Variants in CNTNAP2 observed in about 807,000 individuals in gnomAD.
CNTNAP2 encodes contactin-associated protein-like 2.
In CNTNAP2, 98 loss-of-function variants were observed where a neutral mutation model predicts 155.2. That is an observed-to-expected ratio of 0.63 (90% CI 0.54 to 0.75). The LOEUF is 0.75. CNTNAP2 is among the 30% of genes least tolerant of loss of function. The probability of loss-of-function intolerance (pLI) is 0.00; values close to 1 mark genes in which losing one functional copy is unlikely to be tolerated. For synonymous variants in CNTNAP2, 651 were observed against 631.2 expected, an observed-to-expected ratio of 1.03 and a Z score of -0.47; for missense variants, 1,727 against 1,688.1, an observed-to-expected ratio of 1.02 and a Z score of -0.40.
intron 15 of CNTNAP2, among the ~76,000 whole-genome samples, chr7:148,068,178 C>T (rs982240265): frequency 6.6e-6 from 1 of 152,108 alleles, no homozygotes. Flanking sequence ...CCCACCCCTG[C>T]CCCAGATTGT....
intron 15 of CNTNAP2, among the ~76,000 whole-genome samples, chr7:148,003,501 G>C (rs1432478675): frequency 1.3e-5 from 2 of 152,184 alleles, no homozygotes; most frequent in Non-Finnish European, 2.9e-5. Flanking sequence ...CTGATTCCGT[G>C]AATGAGAAGT....
intron 1 of CNTNAP2, among the ~76,000 whole-genome samples, chr7:146,281,370 G>A (rs547091529): frequency 7.2e-5 from 11 of 152,258 alleles, no homozygotes; most frequent in African/African-American, 2.4e-4. Flanking sequence ...GAGGTAAAGA[G>A]GGTACTTTCC....
rs943448203 is a variant in CNTNAP2, at chr7:148,163,616, A to T, written c.2774-8626A>T. Among the ~76,000 whole-genome samples the T allele has an allele frequency of 4.8e-4, 73 of 152,208 alleles. 1 individual carries two copies. Among genetic ancestry groups the T allele is most frequent in the Admixed American group, 3.9e-4 (6 of 15,284 alleles). On this transcript the variant is annotated intron_variant, in intron 17 of 23. Coordinates refer to ENST00000361727, the MANE Select transcript of CNTNAP2 (RefSeq NM_014141.6). ...ACACAAGAAAATCCATGCAATAATA[A>T]TGAACTGAAAAAAATCCATCCTATT...
chr7:147,837,729 A>T (rs1798656146), intron 13 of CNTNAP2, among the ~76,000 whole-genome samples: 1 of 152,204 alleles, frequency 6.6e-6, no homozygotes, highest in South Asian at 2.1e-4. Context: ...TGAAGAAGCT[A>T]AAGGCCCTAT....
intron 1 of CNTNAP2, among the ~76,000 whole-genome samples, chr7:146,657,194 C>CTAAGGAA (rs1800010173): frequency 1.3e-5 from 2 of 152,256 alleles, no homozygotes; most frequent in African/African-American, 4.8e-5. Flanking sequence ...AAAAACTGTT[C>CTAAGGAA]CTTAACTAAT....
chr7:147,588,514 A>T (rs891349919), intron 12 of CNTNAP2, among the ~76,000 whole-genome samples: 1 of 152,190 alleles, frequency 6.6e-6, no homozygotes, highest in Non-Finnish European at 1.5e-5. Flanking sequence ...TGATATTTTA[A>T]TGCAAAAGAA....
chr7:146,946,107 C>CTTCT (rs1313283032), intron 3 of CNTNAP2, among the ~76,000 whole-genome samples: 31 of 147,896 alleles, frequency 2.1e-4, no homozygotes, highest in African/African-American at 7.7e-4. Context: ...TCCTTCTTTC[C>CTTCT]TTCCTTCCTT....
chr7:147,849,393 C>G (rs992940344), intron 13 of CNTNAP2, among the ~76,000 whole-genome samples: 7 of 152,112 alleles, frequency 4.6e-5, no homozygotes, highest in African/African-American at 1.7e-4. Context: ...ACTTTTAGAA[C>G]ATGATCTGTT....
At chr7:146,386,587 C>T (rs1011309312) in intron 1 of CNTNAP2, among the ~76,000 whole-genome samples, 1 of 152,062 alleles carries the variant, frequency 6.6e-6, no homozygotes, top group Non-Finnish European at 1.5e-5. Context: ...GGGGTTTCAC[C>T]ATGTTGGAGA....
intron 10 of CNTNAP2, among the ~76,000 whole-genome samples, chr7:147,460,663 A>G (rs1031473584): frequency 2.6e-5 from 4 of 152,086 alleles, no homozygotes; most frequent in African/African-American, 7.3e-5. Flanking sequence ...TCTCAAAAAG[A>G]TTCTTCAGTT....
At chr7:147,884,859 G>A (rs965375988) in intron 13 of CNTNAP2, among the ~76,000 whole-genome samples, 3 of 152,066 alleles carry the variant, frequency 2.0e-5, no homozygotes, top group African/African-American at 4.8e-5. Flanking sequence ...GAGGAAGACC[G>A]GGTAATGGAT....
intron 3 of CNTNAP2, among the ~76,000 whole-genome samples, chr7:146,841,148 G>A (rs1263216870): frequency 3.3e-5 from 5 of 152,212 alleles, no homozygotes; most frequent in African/African-American, 9.7e-5. Flanking sequence ...CTTGAATTTA[G>A]TTGGTCTAAG....
intron 1 of CNTNAP2, among the ~76,000 whole-genome samples, chr7:146,534,685 G>T (rs1457547920): frequency 6.6e-6 from 1 of 151,794 alleles, no homozygotes; most frequent in Non-Finnish European, 1.5e-5. Flanking sequence ...TAATAATAAA[G>T]ATTGTTTTCA....
At chr7:146,597,976 G>C (rs533854675) in intron 1 of CNTNAP2, among the ~76,000 whole-genome samples, 35 of 152,106 alleles carry the variant, frequency 2.3e-4, no homozygotes, top group Admixed American at 2.2e-3. Flanking sequence ...GGTCATAACT[G>C]TTTCACCTCC....
chr7:148,231,360 A>C (rs961200604), intron 20 of CNTNAP2, among the ~76,000 whole-genome samples: 1 of 152,144 alleles, frequency 6.6e-6, no homozygotes, highest in African/African-American at 2.4e-5. Flanking sequence ...ATTGCCCAAG[A>C]CTATTTTGGT....
At position 146,307,796 on chromosome 7, in the gene CNTNAP2, G is replaced by T. The variant is rs183424552; in HGVS notation, c.97+190823G>T. Reference sequence around the variant, plus strand: ...AGCCATATGTAGAAAGCTGAAACTGGATCCCTTCCTTACACCTTATACAGA... The same window carrying T: ...AGCCATATGTAGAAAGCTGAAACTGTATCCCTTCCTTACACCTTATACAGA... On this transcript the variant is annotated intron_variant, in intron 1 of 23. Transcript: ENST00000361727. Among the ~76,000 whole-genome samples the T allele has an allele frequency of 9.9e-3, 1,504 of 152,206 alleles. 21 individuals carry two copies. The highest frequency in any genetic ancestry group is 0.037 in the Middle Eastern group (11 of 294).
intron 8 of CNTNAP2, among the ~76,000 whole-genome samples, chr7:147,195,789 C>T (rs979860220): frequency 6.6e-6 from 1 of 151,966 alleles, no homozygotes; most frequent in Non-Finnish European, 1.5e-5. Flanking sequence ...GCTGAAGTTG[C>T]TTATCAATTT....
At chr7:147,016,623 A>C (rs1798728038) in intron 3 of CNTNAP2, among the ~76,000 whole-genome samples, 1 of 152,124 alleles carries the variant, frequency 6.6e-6, no homozygotes, top group African/African-American at 2.4e-5. Context: ...GATTTGCCAA[A>C]GTGCCTAAAA....
intron 11 of CNTNAP2, among the ~76,000 whole-genome samples, chr7:147,524,571 G>A (rs1337503122): frequency 6.6e-6 from 1 of 152,214 alleles, no homozygotes; most frequent in African/African-American, 2.4e-5. Context: ...GAGCGTGGCT[G>A]TCTTCTAATT....
Sources: gnomAD v4.1 joint callset for allele counts (sites outside exome capture counted in the v4.1 genomes callset) on GRCh38, gnomAD v4.1.1 for gene constraint, MANE v1.5 for transcripts, NCBI Gene and HGNC (gene_info 2026-07-23, HGNC 2026-07-21) for gene names.